Variants in ADCY2 observed in about 807,000 individuals in gnomAD.
ADCY2 encodes adenylate cyclase 2.
ADCY2 carries 31 observed loss-of-function variants against 125.2 expected under a neutral mutation model. The observed-to-expected ratio is 0.25, with a 90% CI of 0.19 to 0.33. ADCY2 has a LOEUF of 0.33. ADCY2 is among the 10% of genes least tolerant of loss of function. ADCY2 has a pLI of 1.00. For synonymous variants in ADCY2, 512 were observed against 548.4 expected, an observed-to-expected ratio of 0.93 and a Z score of 0.93; for missense variants, 904 against 1,418.2, an observed-to-expected ratio of 0.64 and a Z score of 5.82.
chr5:7,517,352 G>A (rs750479150), intron 2 of ADCY2, among the ~76,000 whole-genome samples: 4 of 152,200 alleles, frequency 2.6e-5, no homozygotes, highest in Non-Finnish European at 5.9e-5. Context: ...CCAAGAGATA[G>A]CATTCGACTA....
intron 17 of ADCY2, among the ~76,000 whole-genome samples, chr5:7,772,076 T>C (rs1743572991): frequency 6.6e-6 from 1 of 152,178 alleles, no homozygotes; most frequent in African/African-American, 2.4e-5. Flanking sequence ...TCTGTTGTTT[T>C]CAATGACCTA....
chr5:7,489,338 A>C (rs925556027), intron 2 of ADCY2, among the ~76,000 whole-genome samples: 6 of 152,106 alleles, frequency 3.9e-5, no homozygotes, highest in African/African-American at 1.4e-4. Flanking sequence ...TGACACACTT[A>C]CATATTGAGT....
intron 3 of ADCY2, among the ~76,000 whole-genome samples, chr5:7,597,726 A>G (rs1344213964): frequency 6.6e-6 from 1 of 152,234 alleles, no homozygotes; most frequent in Non-Finnish European, 1.5e-5. Context: ...GCAGTGAGCC[A>G]TGATTGCATG....
At chr5:7,522,796 G>T (rs1744500915) in intron 3 of ADCY2, among the ~76,000 whole-genome samples, 1 of 149,384 alleles carries the variant, frequency 6.7e-6, no homozygotes. Context: ...CGTGGTGGTG[G>T]GCGCCTGTAG....
At chr5:7,589,884 A>C (rs1736791699) in intron 3 of ADCY2, among the ~76,000 whole-genome samples, 1 of 152,194 alleles carries the variant, frequency 6.6e-6, no homozygotes, top group Non-Finnish European at 1.5e-5. Flanking sequence ...CCATCCAATG[A>C]AGTAAAGCCT....
chr5:7,788,016 A>G (rs952819933), intron 19 of ADCY2, among the ~76,000 whole-genome samples: 2 of 147,708 alleles, frequency 1.4e-5, no homozygotes, highest in Non-Finnish European at 3.0e-5. Context: ...CTATCGTTTT[A>G]GTTTGAAGCC....
At chr5:7,672,592 T>C (rs1009096375) in intron 4 of ADCY2, among the ~76,000 whole-genome samples, 3 of 152,176 alleles carry the variant, frequency 2.0e-5, no homozygotes, top group African/African-American at 7.2e-5. Context: ...CTCGACCTCC[T>C]GGGCTTAAAG....
At chr5:7,810,877 C>G (rs1744919580) in intron 22 of ADCY2, among the ~76,000 whole-genome samples, 1 of 152,142 alleles carries the variant, frequency 6.6e-6, no homozygotes, top group South Asian at 2.1e-4. Flanking sequence ...GAAATCTGCC[C>G]TAATCAAAGA....
chr5:7,695,094 T>C (rs971827725), intron 5 of ADCY2, among the ~76,000 whole-genome samples: 6 of 152,202 alleles, frequency 3.9e-5, no homozygotes. Flanking sequence ...AACATGTTAT[T>C]GTGTAGGAAA....
chr5:7,655,601 G>A (rs1041020232), intron 4 of ADCY2, among the ~76,000 whole-genome samples: 22 of 152,174 alleles, frequency 1.4e-4, no homozygotes, highest in South Asian at 1.0e-3. Flanking sequence ...CACTGGGAGC[G>A]CAGTCTGCTT....
At chr5:7,606,213 A>G (rs1399553180) in intron 3 of ADCY2, among the ~76,000 whole-genome samples, 1 of 152,182 alleles carries the variant, frequency 6.6e-6, no homozygotes, top group Non-Finnish European at 1.5e-5. Flanking sequence ...CACTTAAGAT[A>G]TATGTACTTT....
chr5:7,644,897 C>G (rs779922104), intron 4 of ADCY2, among the ~76,000 whole-genome samples: 1 of 152,158 alleles, frequency 6.6e-6, no homozygotes, highest in African/African-American at 2.4e-5. Flanking sequence ...TCCCAAGGCA[C>G]AGTTAGTCTC....
chr5:7,483,600 C>T (rs1299762891), intron 2 of ADCY2, among the ~76,000 whole-genome samples: 1 of 152,124 alleles, frequency 6.6e-6, no homozygotes, highest in South Asian at 2.1e-4. Context: ...TCTGACATGA[C>T]CTCGGGTGTT....
intron 20 of ADCY2, chr5:7,801,567 G>A (rs1450956031): frequency 1.3e-5 from 2 of 152,210 alleles, no homozygotes; most frequent in Non-Finnish European, 2.9e-5. Flanking sequence ...GTGTCACTGT[G>A]TTGGGAAAAT....
intron 2 of ADCY2, among the ~76,000 whole-genome samples, chr5:7,436,192 T>C (rs1450069294): frequency 2.0e-5 from 3 of 152,206 alleles, no homozygotes; most frequent in Admixed American, 6.5e-5. Flanking sequence ...GAAAATATTG[T>C]GACCAGGGGT....
At chr5:7,796,927 G>A (rs949108197) in intron 20 of ADCY2, 2 of 152,214 alleles carry the variant, frequency 1.3e-5, no homozygotes, top group Non-Finnish European at 2.9e-5. Context: ...AGAGGATTGT[G>A]AGCCAGACAT....
intron 4 of ADCY2, among the ~76,000 whole-genome samples, chr5:7,650,692 AT>A (rs944996526): frequency 2.0e-5 from 3 of 152,184 alleles, no homozygotes; most frequent in African/African-American, 7.2e-5. Context: ...AAATGAAATA[AT>A]GAGGACAGAG....
intron 3 of ADCY2, among the ~76,000 whole-genome samples, chr5:7,602,157 T>C (rs747512828): frequency 2.0e-5 from 3 of 152,218 alleles, no homozygotes; most frequent in Non-Finnish European, 4.4e-5. Flanking sequence ...ATCATAAACT[T>C]AGTTACATTT....
chr5:7,464,934 A>G (rs1046254457), intron 2 of ADCY2, among the ~76,000 whole-genome samples: 3 of 152,212 alleles, frequency 2.0e-5, no homozygotes, highest in East Asian at 1.9e-4. Context: ...CCACAGTTCT[A>G]TGTGGCTATG....
Sources: allele counts gnomAD v4.1 joint callset (sites outside exome capture counted in the v4.1 genomes callset), GRCh38; gene constraint gnomAD v4.1.1; transcripts MANE v1.5; gene names NCBI Gene and HGNC (gene_info 2026-07-23, HGNC 2026-07-21).